The following NALF1 variants were observed in gnomAD, a reference collection of about 807,000 sequenced individuals.
NALF1 encodes the protein family with sequence similarity 155 member A.
NALF1 carries 3 observed loss-of-function variants against 48.4 expected under a neutral mutation model. That is an observed-to-expected ratio of 0.06 (90% CI 0.03 to 0.16). NALF1 has a LOEUF of 0.16. Among genes scored for constraint, NALF1 ranks in the 10% least tolerant of loss-of-function variants. The probability of loss-of-function intolerance (pLI) is 1.00; values close to 1 mark genes in which losing one functional copy is unlikely to be tolerated. For missense variants in NALF1, 526 were observed against 571.5 expected (o/e 0.92, Z 0.81); for synonymous variants, 262 against 245.7 (o/e 1.07, Z -0.62).
At chr13:107,861,013 T>C (rs1359998180) in intron 1 of NALF1, among the ~76,000 whole-genome samples, 1 of 152,064 alleles carries the variant, frequency 6.6e-6, no homozygotes, top group Non-Finnish European at 1.5e-5. Flanking sequence ...AGTTACAAGT[T>C]CAAACTAAAA....
At chr13:107,818,558 T>C (rs1044221156) in intron 1 of NALF1, among the ~76,000 whole-genome samples, 13 of 152,138 alleles carry the variant, frequency 8.5e-5, no homozygotes, top group Admixed American at 5.2e-4. Context: ...TCTTAACACA[T>C]GAAATCAGAA....
At chr13:107,425,397 A>G (rs187220087) in intron 1 of NALF1, among the ~76,000 whole-genome samples, 1 of 152,322 alleles carries the variant, frequency 6.6e-6, no homozygotes, top group African/African-American at 2.4e-5. Flanking sequence ...TGAAAGAAGG[A>G]AAGAAAAGCC....
intron 1 of NALF1, among the ~76,000 whole-genome samples, chr13:107,498,004 A>G (rs551629257): frequency 3.3e-5 from 5 of 152,134 alleles, no homozygotes; most frequent in Non-Finnish European, 7.4e-5. Flanking sequence ...TGAGTGCCTT[A>G]TAAGTTCTGG....
Position 107,736,726 on chromosome 13 carries a change from T to TA in NALF1, c.915+128955dup, listed in dbSNP as rs1876478358. ...AAGCTAGTGCTTTTAGTTAACAAGT[T>TA]ACGGAAAAAGCCAGAGTGAATCAAA... On this transcript the variant is annotated intron_variant, in intron 1 of 2. Transcript: ENST00000375915. Among the ~76,000 whole-genome samples the TA allele has an allele frequency of 2.0e-5, 3 of 152,154 alleles. No homozygotes were observed. In the South Asian group the frequency reaches 6.2e-4, roughly 31 times the overall value.
intron 1 of NALF1, among the ~76,000 whole-genome samples, chr13:107,501,825 T>G (rs1875534992): frequency 6.6e-6 from 1 of 152,292 alleles, no homozygotes; most frequent in African/African-American, 2.4e-5. Context: ...AACTAACAAT[T>G]TATTTATCCA....
chr13:107,239,218 A>G (rs1458638997), intron 1 of NALF1, among the ~76,000 whole-genome samples: 3 of 152,204 alleles, frequency 2.0e-5, no homozygotes, highest in Non-Finnish European at 4.4e-5. Context: ...TTATTCTCTC[A>G]CAGTTATGGA....
At chr13:107,419,578 C>T (rs1428449960) in intron 1 of NALF1, among the ~76,000 whole-genome samples, 5 of 152,064 alleles carry the variant, frequency 3.3e-5, no homozygotes, top group Admixed American at 2.0e-4. Context: ...GGTGGAAGTC[C>T]CCATTGGGAG....
intron 1 of NALF1, among the ~76,000 whole-genome samples, chr13:107,483,938 T>A (rs997643043): frequency 2.0e-5 from 3 of 152,060 alleles, no homozygotes; most frequent in African/African-American, 7.2e-5. Flanking sequence ...AAGATTCACA[T>A]AAAAATTCTA....
At chr13:107,460,334 C>T (rs980757027) in intron 1 of NALF1, among the ~76,000 whole-genome samples, 2 of 152,172 alleles carry the variant, frequency 1.3e-5, no homozygotes, top group Non-Finnish European at 2.9e-5. Flanking sequence ...AGCTCAGCAA[C>T]GAGGGTTATC....
At chr13:107,479,282 C>T (rs1479001335) in intron 1 of NALF1, among the ~76,000 whole-genome samples, 1 of 152,184 alleles carries the variant, frequency 6.6e-6, no homozygotes, top group African/African-American at 2.4e-5. Flanking sequence ...GGTCTGACTT[C>T]TGGGAATTTT....
intron 1 of NALF1, among the ~76,000 whole-genome samples, chr13:107,736,815 G>GA (rs1359814476): frequency 6.6e-6 from 1 of 152,188 alleles, no homozygotes; most frequent in African/African-American, 2.4e-5. Flanking sequence ...GGCTACAACA[G>GA]AAGTGCTGAA....
At chr13:107,516,400 C>T (rs904250343) in intron 1 of NALF1, among the ~76,000 whole-genome samples, 1 of 152,108 alleles carries the variant, frequency 6.6e-6, no homozygotes, top group Non-Finnish European at 1.5e-5. Context: ...AACAATCAAC[C>T]AACATTCCAC....
At chr13:107,337,160 T>C (rs897962033) in intron 1 of NALF1, among the ~76,000 whole-genome samples, 6 of 151,792 alleles carry the variant, frequency 4.0e-5, no homozygotes, top group African/African-American at 1.5e-4. Flanking sequence ...TGGTCAGATA[T>C]TTGTTCTGTT....
chr13:107,822,092 G>A (rs1879375868), intron 1 of NALF1, among the ~76,000 whole-genome samples: 2 of 147,076 alleles, frequency 1.4e-5, no homozygotes, highest in Non-Finnish European at 1.5e-5. Flanking sequence ...GTATCATTGA[G>A]AAGCATGCAT....
At chr13:107,861,593 G>A (rs1287557074) in intron 1 of NALF1, among the ~76,000 whole-genome samples, 1 of 152,178 alleles carries the variant, frequency 6.6e-6, no homozygotes, top group African/African-American at 2.4e-5. Context: ...GACCATCCTG[G>A]CTTACATGAT....
intron 1 of NALF1, among the ~76,000 whole-genome samples, chr13:107,643,272 C>T (rs1417180934): frequency 1.3e-5 from 2 of 152,050 alleles, no homozygotes; most frequent in Non-Finnish European, 2.9e-5. Context: ...TGATTATTTC[C>T]ATTGATGAGG....
At chr13:107,379,978 A>C (rs1449409679) in intron 1 of NALF1, among the ~76,000 whole-genome samples, 1 of 152,230 alleles carries the variant, frequency 6.6e-6, no homozygotes, top group South Asian at 2.1e-4. Context: ...CCAGAGGCAC[A>C]GGCTTAACTG....
chr13:107,533,556 T>A (rs1203666890), intron 1 of NALF1, among the ~76,000 whole-genome samples: 1 of 152,152 alleles, frequency 6.6e-6, no homozygotes, highest in Non-Finnish European at 1.5e-5. Flanking sequence ...AAATTTCTGT[T>A]CTTTATAAAG....
At chr13:107,437,948 C>A (rs2139023338) in intron 1 of NALF1, among the ~76,000 whole-genome samples, 1 of 151,992 alleles carries the variant, frequency 6.6e-6, no homozygotes, top group East Asian at 1.9e-4. Context: ...TGAAATACAT[C>A]AAAATTGATA....
Sources: allele counts gnomAD v4.1 joint callset (sites outside exome capture counted in the v4.1 genomes callset), GRCh38; gene constraint gnomAD v4.1.1; transcripts MANE v1.5; gene names NCBI Gene and HGNC (gene_info 2026-07-23, HGNC 2026-07-21).